PRKCB: variants seen among roughly 807,000 people sequenced by gnomAD.
PRKCB encodes protein kinase C beta type.
In PRKCB, 13 loss-of-function variants were observed where a neutral mutation model predicts 81.5. The ratio of observed to expected loss-of-function variants is 0.16; its 90% CI spans 0.10 to 0.25. The LOEUF (loss-of-function observed/expected upper bound fraction) is 0.25, where lower values mean the gene tolerates loss of function less well. Ranked by LOEUF, PRKCB falls within the 10% of genes least tolerant of loss-of-function variation. The probability of loss-of-function intolerance (pLI) is 1.00; values close to 1 mark genes in which losing one functional copy is unlikely to be tolerated. For missense variants in PRKCB, 509 were observed against 875.7 expected (o/e 0.58, Z 5.29); for synonymous variants, 335 against 321.4 (o/e 1.04, Z -0.45).
chr16:24,114,716 A>G (rs1966716285), intron 8 of PRKCB, among the ~76,000 whole-genome samples: 1 of 152,204 alleles, frequency 6.6e-6, no homozygotes, highest in Admixed American at 6.5e-5. Context: ...CACAAACTCA[A>G]TACACTGAGT....
chr16:23,858,847 C>G (rs1962616808), intron 2 of PRKCB, among the ~76,000 whole-genome samples: 3 of 152,148 alleles, frequency 2.0e-5, no homozygotes, highest in Non-Finnish European at 1.5e-5. Flanking sequence ...CACATGATCT[C>G]ATTGAATGTC....
rs144042856 is a variant in PRKCB, at chr16:24,220,501, C to T, written c.*5685C>T. ...ATCTTCTTTGAATGCTAAGCATGAG[C>T]GATATTTTTAAAAATTGTGAGTAAG... On this transcript the variant is annotated 3_prime_UTR_variant, in exon 17 of 17. Coordinates refer to ENST00000643927, the MANE Select transcript of PRKCB (RefSeq NM_002738.7). 1.2e-4 allele frequency: 19 copies of T among 157,832 alleles called. No individual in the cohort carries two copies. Among genetic ancestry groups the T allele is most frequent in the East Asian group, 9.3e-4 (5 of 5,354 alleles). 9.8% of individuals were successfully genotyped at this position (157,832 alleles called of 1,614,324 possible). A position where few individuals can be genotyped will look rare whatever the true frequency, so the allele number is the denominator to read the frequency against.
chr16:23,935,225 G>T (rs987899923), intron 2 of PRKCB, among the ~76,000 whole-genome samples: 2 of 152,204 alleles, frequency 1.3e-5, no homozygotes, highest in African/African-American at 4.8e-5. Flanking sequence ...AAAGCAGGCT[G>T]TCTGGGAGTA....
chr16:24,029,603 CAGTAT>C (rs1965525420), intron 3 of PRKCB, among the ~76,000 whole-genome samples: 1 of 54,784 alleles, frequency 1.8e-5, no homozygotes, highest in East Asian at 6.7e-4. Context: ...CAGACTAATA[CAGTAT>C]GGAATTATTT....
chr16:24,016,976 T>G (rs1329883659), intron 3 of PRKCB, among the ~76,000 whole-genome samples: 1 of 152,198 alleles, frequency 6.6e-6, no homozygotes, highest in African/African-American at 2.4e-5. Flanking sequence ...TAGGTTGGAA[T>G]TTTTCTAGAA....
chr16:23,890,431 C>G (rs1489440767), intron 2 of PRKCB, among the ~76,000 whole-genome samples: 1 of 152,134 alleles, frequency 6.6e-6, no homozygotes, highest in Non-Finnish European at 1.5e-5. Flanking sequence ...CTTTGTTAGC[C>G]TAGCATCTTT....
chr16:23,980,883 G>T (rs1326238522), intron 2 of PRKCB, among the ~76,000 whole-genome samples: 1 of 151,798 alleles, frequency 6.6e-6, no homozygotes, highest in Non-Finnish European at 1.5e-5. Flanking sequence ...ACTAAAATTT[G>T]GGAGTTAGGG....
intron 5 of PRKCB, among the ~76,000 whole-genome samples, chr16:24,072,778 C>T (rs555702955): frequency 1.3e-5 from 2 of 152,238 alleles, no homozygotes; most frequent in Admixed American, 6.5e-5. Context: ...GACGGGGTTT[C>T]ACCATGTTGG....
chr16:24,041,907 C>T (rs1158204547), intron 5 of PRKCB, among the ~76,000 whole-genome samples: 1 of 150,920 alleles, frequency 6.6e-6, no homozygotes. Context: ...TCGCTTGGAC[C>T]CAGGAGGCAG....
At chr16:24,049,823 A>G (rs1965818781) in intron 5 of PRKCB, among the ~76,000 whole-genome samples, 1 of 152,244 alleles carries the variant, frequency 6.6e-6, no homozygotes, top group South Asian at 2.1e-4. Flanking sequence ...TTCCCACCTT[A>G]GCATTGTGGG....
chr16:23,944,990 A>C (rs1258260549), intron 2 of PRKCB, among the ~76,000 whole-genome samples: 2 of 152,164 alleles, frequency 1.3e-5, no homozygotes, highest in Non-Finnish European at 2.9e-5. Flanking sequence ...ATGAGCAAAA[A>C]TGGAAGAGAA....
chr16:23,991,292 C>G (rs751034077), intron 3 of PRKCB, among the ~76,000 whole-genome samples: 3 of 152,204 alleles, frequency 2.0e-5, no homozygotes, highest in Non-Finnish European at 4.4e-5. Context: ...CTCCAAGAAA[C>G]ATGGAACAAC....
intron 2 of PRKCB, chr16:23,892,831 A>T (rs758722168): frequency 6.6e-6 from 1 of 152,228 alleles, no homozygotes; most frequent in African/African-American, 2.4e-5. Context: ...AGTTAGCTTC[A>T]GAACTAGAAT....
At chr16:24,105,876 C>T (rs1966570675) in intron 7 of PRKCB, among the ~76,000 whole-genome samples, 1 of 152,106 alleles carries the variant, frequency 6.6e-6, no homozygotes. Flanking sequence ...ATTTATAATT[C>T]TGAATCTGAA....
intron 16 of PRKCB, among the ~76,000 whole-genome samples, chr16:24,195,587 A>G (rs1319534841): frequency 8.5e-5 from 13 of 152,330 alleles, no homozygotes; most frequent in Non-Finnish European, 1.6e-4. Flanking sequence ...TCTCAATGCC[A>G]TCTTTTATTG....
chr16:24,048,230 TC>T (rs1187047718), intron 5 of PRKCB, among the ~76,000 whole-genome samples: 1 of 152,172 alleles, frequency 6.6e-6, no homozygotes, highest in Non-Finnish European at 1.5e-5. Flanking sequence ...CAACCTGTAG[TC>T]CCAGCTACTT....
chr16:23,961,623 A>C (rs1335833102), intron 2 of PRKCB, among the ~76,000 whole-genome samples: 1 of 152,168 alleles, frequency 6.6e-6, no homozygotes, highest in Non-Finnish European at 1.5e-5. Context: ...AACCAATCAC[A>C]GTTGCCACGG....
At chr16:24,052,134 A>G (rs1965850849) in intron 5 of PRKCB, among the ~76,000 whole-genome samples, 1 of 139,146 alleles carries the variant, frequency 7.2e-6, no homozygotes, top group Non-Finnish European at 1.5e-5. Context: ...TAATTATTTT[A>G]TCAAAATAGG....
intron 3 of PRKCB, among the ~76,000 whole-genome samples, chr16:23,995,904 A>G (rs2141826956): frequency 6.6e-6 from 1 of 152,140 alleles, no homozygotes; most frequent in South Asian, 2.1e-4. Flanking sequence ...AGAAGTGGAC[A>G]GCTACAGCAC....
Sources: allele counts gnomAD v4.1 joint callset (sites outside exome capture counted in the v4.1 genomes callset), GRCh38; gene constraint gnomAD v4.1.1; transcripts MANE v1.5; gene names NCBI Gene and HGNC (gene_info 2026-07-23, HGNC 2026-07-21).